Variants in RNF213 observed in about 807,000 individuals in gnomAD.
RNF213 encodes the protein E3 ubiquitin-protein ligase RNF213.
RNF213 carries 341 observed loss-of-function variants against 514.4 expected under a neutral mutation model. The ratio of observed to expected loss-of-function variants is 0.66; its 90% CI spans 0.61 to 0.73. The LOEUF is 0.73. RNF213 is among the 30% of genes least tolerant of loss of function. The probability of loss-of-function intolerance (pLI) is 0.00; values close to 1 mark genes in which losing one functional copy is unlikely to be tolerated. For missense variants in RNF213, 5,767 were observed against 6,615.6 expected (o/e 0.87, Z 4.45); for synonymous variants, 2,655 against 2,658.2 (o/e 1.00, Z 0.04).
At chr17:80,323,978 CGT>C (rs143806303) in intron 17 of RNF213, among the ~76,000 whole-genome samples, 35 of 149,370 alleles carry the variant, frequency 2.3e-4, no homozygotes, top group Admixed American at 7.4e-4. Context: ...ATTGTGTGTG[CGT>C]GTGTGTGTGT....
chr17:80,293,231 A>G (rs1055685978), intron 8 of RNF213, among the ~76,000 whole-genome samples: 1 of 151,222 alleles, frequency 6.6e-6, no homozygotes, highest in Non-Finnish European at 1.5e-5. Context: ...CAAATTTTTC[A>G]TATATTTTTT....
At position 80,363,298 on chromosome 17, in the gene RNF213, T is replaced by G. The variant is rs1185976169; in HGVS notation, c.11552T>G (p.Leu3851Arg). 6.2e-7 allele frequency: 1 copy of G among 1,613,942 alleles called. No individual in the cohort carries two copies. The highest frequency in any genetic ancestry group is 8.5e-7 in the Non-Finnish European group (1 of 1,180,028). Residue 3851 changes from leucine (L) to arginine (R), a missense_variant, in exon 40 of 68, where the codon CTG becomes CGG. By Grantham distance (102) the Leu-to-Arg change is moderately radical. Coordinates refer to ENST00000582970, the MANE Select transcript of RNF213 (RefSeq NM_001256071.3). ...SLMEARWNHE[L>R]AGCEMTLDAF... ...ATGGAAGCCCGTTGGAACCATGAGCTGGCTGGATGTGAGATGGTATGGCCC... is the reference window on the plus strand; with the variant it reads ...ATGGAAGCCCGTTGGAACCATGAGCGGGCTGGATGTGAGATGGTATGGCCC...
chr17:80,381,252 C>T lies in RNF213; in HGVS notation c.13797+265C>T, dbSNP rs557148060. 1,335 of 599,130 alleles carry T rather than the reference C, an allele frequency of 2.2e-3. 25 individuals are homozygous for T. In the South Asian group the frequency reaches 0.025, roughly 11 times the overall value. 37.1% of individuals were successfully genotyped at this position (599,130 alleles called of 1,614,324 possible). On this transcript the variant is annotated intron_variant, in intron 56 of 67. Transcript: ENST00000582970. ...CCACATCTGGGAGTAGAGAGGCTGACATCTTCATTATTTTACCTGTGTCTT... is the reference window on the plus strand; with the variant it reads ...CCACATCTGGGAGTAGAGAGGCTGATATCTTCATTATTTTACCTGTGTCTT...
At chr17:80,319,597 C>T (rs547050750) in intron 17 of RNF213, 7 of 1,560,654 alleles carry the variant, frequency 4.5e-6, no homozygotes, top group African/African-American at 2.7e-5. Flanking sequence ...GCTTGCAGGC[C>T]GTTCCTCAGA....
chr17:80,376,833 G>C, intron 52 of RNF213, 49 bp from the exon 53 acceptor site: 1 of 1,515,500 alleles, frequency 6.6e-7, no homozygotes, highest in Non-Finnish European at 9.1e-7. Context: ...GCAGCACCCA[G>C]GTGACAAGCT....
rs752024169 is a variant in RNF213, at chr17:80,306,414, T to A, written c.2373T>A (p.Cys791Ter). Residue 791 changes from cysteine to a stop codon, truncating the protein, a stop_gained, in exon 12 of 68, where the codon TGT (cysteine) becomes TGA (stop). Transcript: ENST00000582970. LOFTEE classifies it high-confidence loss of function. ...GTTTTCCTGCTCATATCCTGGACTG[T>A]CTTTCAGGGATTTACTACCGGCTTC... ...LGRFPAHILD[C>*]LSGIYYRLPG... 6.2e-7 allele frequency: 1 copy of A among 1,614,190 alleles called. No homozygotes were observed. Among genetic ancestry groups the A allele is most frequent in the Non-Finnish European group, 8.5e-7 (1 of 1,180,028 alleles).
intron 3 of RNF213, chr17:80,279,029 C>T: frequency 7.3e-7 from 1 of 1,371,202 alleles, no homozygotes; most frequent in Admixed American, 2.1e-5. Context: ...GAAGGCTGCC[C>T]AGGATGGGCG....
In RNF213 at chr17:80,337,568, C is replaced by T; in HGVS notation, c.4528-18C>T. On this transcript the variant is annotated intron_variant, in intron 23 of 67. Transcript: ENST00000582970. ...TCGCTCCAACCGTGGCCCGTGTTCT[C>T]TCCTTTTGTCCCCATAGTGTGACTC... 1.3e-6 allele frequency: 2 copies of T among 1,536,852 alleles called. No homozygotes were observed. The highest frequency in any genetic ancestry group is 1.7e-6 in the Non-Finnish European group (2 of 1,146,598).
Position 80,380,952 on chromosome 17 carries a change from T to C in RNF213, c.13762T>C (p.Leu4588=). The change falls in exon 56 of 68, where the codon TTG becomes CTG. Residue 4588 remains leucine, a synonymous_variant. Transcript: ENST00000582970. ...CCTCCTTATCCGGCTACTCACTCACTTGGCTCTGCTTCTGGGAGCGTCCCA... is the reference window on the plus strand; with the variant it reads ...CCTCCTTATCCGGCTACTCACTCACCTGGCTCTGCTTCTGGGAGCGTCCCA... ...VFLLIRLLTH[L]ALLLGASQSS... The C allele has an allele frequency of 6.2e-6, 10 of 1,614,202 alleles. No individual in the cohort carries two copies. The highest frequency in any genetic ancestry group is 7.6e-6 in the Non-Finnish European group (9 of 1,180,014).
intron 17 of RNF213, chr17:80,319,883 G>A: frequency 9.0e-7 from 1 of 1,109,746 alleles, no homozygotes; most frequent in Non-Finnish European, 1.1e-6. Flanking sequence ...CTTAACCCCT[G>A]TACAAGCACA....
intron 39 of RNF213, among the ~76,000 whole-genome samples, chr17:80,362,582 T>C (rs1227092558): frequency 1.3e-5 from 2 of 152,206 alleles, no homozygotes; most frequent in African/African-American, 4.8e-5. Context: ...TGCAAAGAAA[T>C]AGCCAGGCCA....
chr17:80,268,564 G>T (rs1170758140), intron 2 of RNF213, among the ~76,000 whole-genome samples: 1 of 151,940 alleles, frequency 6.6e-6, no homozygotes, highest in Non-Finnish European at 1.5e-5. Flanking sequence ...CTCCATAGTC[G>T]TGTGAGCCAA....
rs1383751957 is a variant in RNF213, at chr17:80,336,369, C to T, written c.4518C>T (p.Pro1506=). The part of the protein sequence containing the change: ...WKALDKDQYL[P]RKLCDSARNL... ...CTCTGGATAAGGACCAGTACCTGCC[C>T]AGGAAACTGGTGAGTCTTATTCTGT... Residue 1506 remains proline, a synonymous_variant, in exon 23 of 68, where the codon CCC becomes CCT. Coordinates refer to ENST00000582970, the MANE Select transcript of RNF213 (RefSeq NM_001256071.3). The T allele has an allele frequency of 6.5e-7, 1 of 1,537,106 alleles. No individual in the cohort carries two copies. Among genetic ancestry groups the T allele is most frequent in the Non-Finnish European group, 8.7e-7 (1 of 1,146,786 alleles).
In RNF213 at chr17:80,396,347, C is replaced by T. The variant is rs953110461; in HGVS notation, c.*2849C>T. On this transcript the variant is annotated 3_prime_UTR_variant, in exon 68 of 68. Coordinates refer to ENST00000582970, the MANE Select transcript of RNF213 (RefSeq NM_001256071.3). ...TATGAGACTTTGTGCATGTGTTAACCGAGACGGCCCTGAGCTATTTCAGTT... is the reference window on the plus strand; with the variant it reads ...TATGAGACTTTGTGCATGTGTTAACTGAGACGGCCCTGAGCTATTTCAGTT... The T allele has an allele frequency of 5.3e-5, 8 of 152,084 alleles. No homozygotes were observed. Among genetic ancestry groups the T allele is most frequent in the Non-Finnish European group, 7.4e-5 (5 of 68,008 alleles). The allele number at this position is 152,084 out of a possible 1,614,324, so 9.4% of individuals were successfully genotyped here.
chr17:80,381,336 T>G, intron 56 of RNF213: 1 of 640,142 alleles, frequency 1.6e-6, no homozygotes, highest in Admixed American at 2.3e-5. Flanking sequence ...CAGTACAATC[T>G]GGATATTCTT....
chr17:80,327,222 G>A lies in RNF213; in HGVS notation c.3194-594G>A, dbSNP rs1599030710. On this transcript the variant is annotated intron_variant, in intron 18 of 67. Coordinates refer to ENST00000582970, the MANE Select transcript of RNF213 (RefSeq NM_001256071.3). ...TATTTAAAAAATATACTCAGGCCAT[G>A]TGAGGTGGTTCATGCGTATAATCCT... 2.6e-5 allele frequency among the ~76,000 whole-genome samples: 4 copies of A among 152,368 alleles called. No individual in the cohort carries two copies. In the East Asian group the frequency reaches 7.7e-4, roughly 29 times the overall value.
chr17:80,270,806 G>T (rs1242406494), intron 2 of RNF213, among the ~76,000 whole-genome samples: 1 of 152,186 alleles, frequency 6.6e-6, no homozygotes, highest in African/African-American at 2.4e-5. Context: ...CGTTGCCCAA[G>T]TCCAGGCTTG....
rs1376471132 is a variant in RNF213 at position 80,317,937 on chromosome 17, G to T, written c.2901+660G>T. Among the ~76,000 whole-genome samples the T allele has an allele frequency of 6.6e-6, 1 of 152,150 alleles. No individual in the cohort carries two copies. The highest frequency in any genetic ancestry group is 1.5e-5 in the Non-Finnish European group (1 of 68,016). ...ACACTTGAAGGATGGTGAAGGTGGA[G>T]AATTTTATTAAGCAATGGAAATGGC... On this transcript the variant is annotated intron_variant, in intron 16 of 67. Transcript: ENST00000582970. The surrounding 1 kb of genome is among the most constrained non-coding windows in gnomAD (Gnocchi z 4.1).
At chr17:80,261,462 G>T (rs1461091772) in intron 1 of RNF213, among the ~76,000 whole-genome samples, 1 of 152,228 alleles carries the variant, frequency 6.6e-6, no homozygotes, top group East Asian at 1.9e-4. Flanking sequence ...CTCCCGGATG[G>T]CTGCCTGCAA....
Sources: allele counts gnomAD v4.1 joint callset (sites outside exome capture counted in the v4.1 genomes callset), GRCh38; gene constraint gnomAD v4.1.1; non-coding constraint Gnocchi (gnomAD v3.1); transcripts MANE v1.5; gene names NCBI Gene and HGNC (gene_info 2026-07-23, HGNC 2026-07-21).